XXYLT1: variants seen among roughly 807,000 people sequenced by gnomAD.
XXYLT1 encodes the protein UDP-xylose:alpha-xyloside alpha-1,3-xylosyltransferase.
XXYLT1 carries 20 observed loss-of-function variants against 28.9 expected under a neutral mutation model. The observed-to-expected ratio is 0.69, with a 90% CI of 0.49 to 1.00. The LOEUF is 1.00. Ranked by LOEUF, XXYLT1 falls within the 50% of genes least tolerant of loss-of-function variation. The pLI is 0.00. For synonymous variants in XXYLT1, 257 were observed against 253.8 expected (o/e 1.01, Z -0.12); for missense variants, 542 against 560.1 (o/e 0.97, Z 0.33).
chr3:195,108,946 C>A (rs984741159), intron 3 of XXYLT1, among the ~76,000 whole-genome samples: 3 of 152,174 alleles, frequency 2.0e-5, no homozygotes, highest in Non-Finnish European at 2.9e-5. Context: ...ATTAAGGCAG[C>A]TATTATCTTG....
At chr3:195,179,770 T>G (rs963317823) in intron 2 of XXYLT1, among the ~76,000 whole-genome samples, 2 of 151,028 alleles carry the variant, frequency 1.3e-5, no homozygotes, top group African/African-American at 4.9e-5. Context: ...ACAAAAAAGG[T>G]GATTTTCCAG....
At chr3:195,079,973 AG>A (rs1315261002) in intron 3 of XXYLT1, among the ~76,000 whole-genome samples, 3 of 152,110 alleles carry the variant, frequency 2.0e-5, no homozygotes, top group African/African-American at 7.2e-5. Flanking sequence ...GATTCACAGA[AG>A]GGCCCCCAGA....
intron 1 of XXYLT1, among the ~76,000 whole-genome samples, chr3:195,266,809 G>T (rs1200472123): frequency 6.6e-6 from 1 of 152,220 alleles, no homozygotes; most frequent in Non-Finnish European, 1.5e-5. Flanking sequence ...TGAGCCCACA[G>T]GCTGGGGTGG....
intron 3 of XXYLT1, among the ~76,000 whole-genome samples, chr3:195,135,516 A>G (rs552529869): frequency 6.6e-6 from 1 of 152,280 alleles, no homozygotes; most frequent in Non-Finnish European, 1.5e-5. Context: ...TTTCCAGGGC[A>G]GATGACACAC....
chr3:195,224,406 G>C (rs1723960454), intron 2 of XXYLT1, among the ~76,000 whole-genome samples: 2 of 152,218 alleles, frequency 1.3e-5, no homozygotes, highest in Admixed American at 1.3e-4. Context: ...AGCTATGCCA[G>C]GCTCTTGGAC....
At position 195,069,750 on chromosome 3, in the gene XXYLT1, G is replaced by C. The variant is rs1714687403; in HGVS notation, c.1147C>G (p.His383Asp). ...GGGATGGGAGTGTTGCAGTTCCCGT[G>C]GTAGATCTTGACGTGGCCCTCACAC... The part of the protein sequence containing the change: ...FRCEGHVKIY[H>D]GNCNTPIPED Residue 383 changes from histidine (H) to aspartate (D), a missense_variant, in exon 4 of 4, where the codon CAC (histidine) becomes GAC (aspartate). His to Asp is a moderately conservative substitution (Grantham distance 81). Transcript: ENST00000310380. The C allele has an allele frequency of 3.7e-6, 6 of 1,613,740 alleles. No individual in the cohort carries two copies. The highest frequency in any genetic ancestry group is 5.1e-6 in the Non-Finnish European group (6 of 1,180,002).
At chr3:195,075,892 A>G (rs967278591) in intron 3 of XXYLT1, among the ~76,000 whole-genome samples, 2 of 152,128 alleles carry the variant, frequency 1.3e-5, no homozygotes, top group African/African-American at 4.8e-5. Flanking sequence ...CTGAGTGGGC[A>G]CTGGGGTTGG....
At chr3:195,229,332 T>C (rs1724203932) in intron 1 of XXYLT1, among the ~76,000 whole-genome samples, 1 of 152,210 alleles carries the variant, frequency 6.6e-6, no homozygotes, top group Non-Finnish European at 1.5e-5. Flanking sequence ...CAATGCATAA[T>C]AATCATATCA....
rs540370631 is a variant in XXYLT1 at position 195,257,420 on chromosome 3, G to A, written c.504+13135C>T. On this transcript the variant is annotated intron_variant, in intron 1 of 3. Transcript: ENST00000310380. This position sits in a 1 kb window ranked among gnomAD's most constrained non-coding sequence, Gnocchi z 4.3. The stretch of plus-strand genomic sequence containing the variant: ...GGGAAAGGGGCTCACCAGGGTGGAG[G>A]TGAGAGGTAGGTCCCCACATAACTG... 4.1e-4 allele frequency among the ~76,000 whole-genome samples: 62 copies of A among 152,364 alleles called. No individual in the cohort carries two copies. Among genetic ancestry groups the A allele is most frequent in the African/African-American group, 1.5e-3 (61 of 41,578 alleles).
intron 1 of XXYLT1, chr3:195,259,617 G>C: frequency 2.0e-6 from 2 of 985,482 alleles, no homozygotes; most frequent in Non-Finnish European, 2.4e-6. Flanking sequence ...GAGGACAGTC[G>C]CGTGCGACAG....
At chr3:195,181,420 A>T (rs770251762) in intron 2 of XXYLT1, among the ~76,000 whole-genome samples, 4 of 151,800 alleles carry the variant, frequency 2.6e-5, no homozygotes, top group Non-Finnish European at 5.9e-5. Flanking sequence ...TTGTTTTTTC[A>T]CCTTTGTGTC....
rs1243149255 is a variant in XXYLT1, at chr3:195,180,608, G to A, written c.653-24027C>T. On this transcript the variant is annotated intron_variant, in intron 2 of 3. Coordinates refer to ENST00000310380, the MANE Select transcript of XXYLT1 (RefSeq NM_152531.5). This position sits in a 1 kb window ranked among gnomAD's most constrained non-coding sequence, Gnocchi z 5.8. ...CCTCTCCAGAGCGTGATGTGGCCCCGTCTGGCTAAGAGCACCAGACGGCGG... is the reference window on the plus strand; with the variant it reads ...CCTCTCCAGAGCGTGATGTGGCCCCATCTGGCTAAGAGCACCAGACGGCGG... 2.7e-5 allele frequency: 26 copies of A among 962,072 alleles called. No individual in the cohort carries two copies. Among genetic ancestry groups the A allele is most frequent in the South Asian group, 4.8e-5 (1 of 20,818 alleles). The allele number at this position is 962,072 out of a possible 1,614,324, so 59.6% of individuals were successfully genotyped here.
intron 2 of XXYLT1, among the ~76,000 whole-genome samples, chr3:195,218,859 C>T (rs1218554765): frequency 1.5e-4 from 23 of 151,672 alleles, no homozygotes; most frequent in East Asian, 3.9e-4. Context: ...TAAAGACACA[C>T]GCACCCGTAT....
At chr3:195,134,862 T>C (rs1054546461) in intron 3 of XXYLT1, among the ~76,000 whole-genome samples, 43 of 105,284 alleles carry the variant, frequency 4.1e-4, no homozygotes, top group African/African-American at 1.6e-3. Context: ...TGTGTGTGTG[T>C]GTGTGTGCGT....
intron 3 of XXYLT1, among the ~76,000 whole-genome samples, chr3:195,117,817 G>C (rs1237033457): frequency 6.6e-6 from 1 of 152,222 alleles, no homozygotes; most frequent in Non-Finnish European, 1.5e-5. Flanking sequence ...GTAAAGGTCA[G>C]TGGCCATCTC....
chr3:195,223,980 A>C (rs941520730), intron 2 of XXYLT1, among the ~76,000 whole-genome samples: 1 of 152,016 alleles, frequency 6.6e-6, no homozygotes, highest in African/African-American at 2.4e-5. Context: ...AACATGGAGA[A>C]ACTCCGTCTC....
intron 1 of XXYLT1, among the ~76,000 whole-genome samples, chr3:195,247,142 T>C (rs1387429308): frequency 6.6e-6 from 1 of 152,110 alleles, no homozygotes; most frequent in African/African-American, 2.4e-5. Context: ...TACAAAATAA[T>C]GTGTTCCACC....
chr3:195,175,739 G>A, intron 2 of XXYLT1: 1 of 1,534,784 alleles, frequency 6.5e-7, no homozygotes, highest in Non-Finnish European at 8.7e-7. Flanking sequence ...GTAGCAGTGA[G>A]AAGCCACTGC....
intron 2 of XXYLT1, among the ~76,000 whole-genome samples, chr3:195,203,275 A>G (rs1722932606): frequency 6.6e-6 from 1 of 152,238 alleles, no homozygotes; most frequent in Non-Finnish European, 1.5e-5. Context: ...GGCTAAGGGC[A>G]TAAAGAGTTC....
Sources: allele counts gnomAD v4.1 joint callset (sites outside exome capture counted in the v4.1 genomes callset), GRCh38; gene constraint gnomAD v4.1.1; non-coding constraint Gnocchi (gnomAD v3.1); transcripts MANE v1.5; gene names NCBI Gene and HGNC (gene_info 2026-07-23, HGNC 2026-07-21).